PLCB1: variants seen among roughly 807,000 people sequenced by gnomAD.
PLCB1 encodes the protein phospholipase C beta 1.
In PLCB1, 46 loss-of-function variants were observed where a neutral mutation model predicts 161.8. The observed-to-expected ratio is 0.28, with a 90% CI of 0.22 to 0.36. PLCB1 has a LOEUF of 0.36. PLCB1 is among the 10% of genes least tolerant of loss of function. The probability of loss-of-function intolerance (pLI) is 1.00; values close to 1 mark genes in which losing one functional copy is unlikely to be tolerated. For synonymous variants in PLCB1, 517 were observed against 503.7 expected, an observed-to-expected ratio of 1.03 and a Z score of -0.35; for missense variants, 1,016 against 1,472.5, an observed-to-expected ratio of 0.69 and a Z score of 5.07.
intron 1 of PLCB1, among the ~76,000 whole-genome samples, chr20:8,138,810 CTCTT>C (rs1402865874): frequency 6.6e-6 from 1 of 152,074 alleles, no homozygotes; most frequent in African/African-American, 2.4e-5. Context: ...TTCCTCTGAT[CTCTT>C]TAAGAGCTAA....
At chr20:8,159,762 TG>T (rs1483037778) in intron 2 of PLCB1, among the ~76,000 whole-genome samples, 1 of 151,516 alleles carries the variant, frequency 6.6e-6, no homozygotes, top group African/African-American at 2.4e-5. Context: ...CTGAGTTGGG[TG>T]GATCACCTGA....
chr20:8,279,858 A>C (rs1982790589), intron 2 of PLCB1, among the ~76,000 whole-genome samples: 1 of 152,190 alleles, frequency 6.6e-6, no homozygotes, highest in Non-Finnish European at 1.5e-5. Flanking sequence ...TGAAGTAAAA[A>C]GAAAAGTAAG....
At chr20:8,380,563 T>G (rs931588822) in intron 3 of PLCB1, among the ~76,000 whole-genome samples, 2 of 152,242 alleles carry the variant, frequency 1.3e-5, no homozygotes, top group African/African-American at 4.8e-5. Context: ...ATGATATTGA[T>G]TCTTCCTATC....
rs1021896375 is a variant in PLCB1, at chr20:8,765,232, A to G, written c.2804A>G (p.Lys935Arg). The change falls in exon 26 of 32, where the codon AAG (lysine) becomes AGG (arginine). Residue 935 changes from lysine to arginine, a missense_variant. Around this residue, in one of 10 missense-constraint regions of PLCB1, gnomAD observed 398 missense variants for 445.4 expected, o/e 0.89. Coordinates refer to ENST00000338037, the MANE Select transcript of PLCB1 (RefSeq NM_015192.4). ...KHYKEMKDLV[K>R]RHHKKTTDLI... ...TACAAAGAAATGAAAGACCTGGTTA[A>G]GAGACACCACAAGAAAACCACTGAC... The G allele has an allele frequency of 6.2e-7, 1 of 1,614,018 alleles. No homozygotes were observed. The highest frequency in any genetic ancestry group is 8.5e-7 in the Non-Finnish European group (1 of 1,179,860).
intron 31 of PLCB1, among the ~76,000 whole-genome samples, chr20:8,805,302 C>T (rs1190462279): frequency 6.6e-6 from 1 of 151,956 alleles, no homozygotes; most frequent in Admixed American, 6.6e-5. Context: ...ATAAAATAAA[C>T]AAAAAAGATG....
At chr20:8,439,901 A>G (rs1232527002) in intron 3 of PLCB1, among the ~76,000 whole-genome samples, 4 of 152,090 alleles carry the variant, frequency 2.6e-5, no homozygotes, top group Non-Finnish European at 5.9e-5. Flanking sequence ...TTTTGAAGCT[A>G]TTCTGACCTC....
At chr20:8,742,678 G>A (rs1980946410) in intron 23 of PLCB1, among the ~76,000 whole-genome samples, 2 of 152,084 alleles carry the variant, frequency 1.3e-5, no homozygotes, top group African/African-American at 4.8e-5. Context: ...AAAGTATTAA[G>A]TATCTCATTG....
intron 2 of PLCB1, among the ~76,000 whole-genome samples, chr20:8,240,115 G>A (rs1980522946): frequency 6.6e-6 from 1 of 151,338 alleles, no homozygotes; most frequent in Non-Finnish European, 1.5e-5. Flanking sequence ...TTTTTAAAAC[G>A]AATTGTAATT....
intron 2 of PLCB1, among the ~76,000 whole-genome samples, chr20:8,165,993 C>T (rs1216866353): frequency 6.6e-6 from 1 of 152,154 alleles, no homozygotes; most frequent in Non-Finnish European, 1.5e-5. Flanking sequence ...TCAATGATTT[C>T]ATACTAAAAT....
At chr20:8,184,224 A>G (rs1275903324) in intron 2 of PLCB1, among the ~76,000 whole-genome samples, 1 of 152,198 alleles carries the variant, frequency 6.6e-6, no homozygotes, top group African/African-American at 2.4e-5. Flanking sequence ...TAGGATGCAT[A>G]CTAATTTAAT....
At chr20:8,731,300 C>A (rs1273521958) in intron 18 of PLCB1, among the ~76,000 whole-genome samples, 4 of 151,790 alleles carry the variant, frequency 2.6e-5, no homozygotes, top group Non-Finnish European at 5.9e-5. Context: ...TATCCATCAC[C>A]TGAAATATTT....
chr20:8,787,586 A>G (rs988312258), intron 27 of PLCB1, among the ~76,000 whole-genome samples: 2 of 152,228 alleles, frequency 1.3e-5, no homozygotes, highest in African/African-American at 2.4e-5. Flanking sequence ...TCCAGTTGCT[A>G]CAGCCACCTG....
At chr20:8,318,268 C>T (rs1232183749) in intron 2 of PLCB1, among the ~76,000 whole-genome samples, 1 of 152,014 alleles carries the variant, frequency 6.6e-6, no homozygotes. Context: ...TCCTTTTTGA[C>T]CTTACAGTCT....
intron 2 of PLCB1, among the ~76,000 whole-genome samples, chr20:8,241,773 T>G (rs955877083): frequency 6.6e-6 from 1 of 151,952 alleles, no homozygotes; most frequent in African/African-American, 2.4e-5. Context: ...TCCTCCCACC[T>G]CAGTAGAAAT....
intron 3 of PLCB1, among the ~76,000 whole-genome samples, chr20:8,400,626 A>G (rs1978507335): frequency 6.6e-6 from 1 of 152,214 alleles, no homozygotes; most frequent in African/African-American, 2.4e-5. Context: ...AAACCTGTAA[A>G]TGATGACATG....
At chr20:8,370,754 T>C (rs1986878220) in intron 2 of PLCB1, among the ~76,000 whole-genome samples, 1 of 152,218 alleles carries the variant, frequency 6.6e-6, no homozygotes, top group Admixed American at 6.5e-5. Context: ...CCCCTTGTCT[T>C]ACACATATAC....
chr20:8,726,741 A>G (rs1230684544), intron 16 of PLCB1, among the ~76,000 whole-genome samples: 1 of 152,140 alleles, frequency 6.6e-6, no homozygotes, highest in Non-Finnish European at 1.5e-5. Flanking sequence ...CCCAAGCCAT[A>G]TCATGTATCT....
intron 2 of PLCB1, among the ~76,000 whole-genome samples, chr20:8,330,762 C>T (rs1356914296): frequency 6.6e-6 from 1 of 152,084 alleles, no homozygotes; most frequent in Non-Finnish European, 1.5e-5. Context: ...CATTTTCATG[C>T]CATTTGTTGC....
intron 19 of PLCB1, among the ~76,000 whole-genome samples, chr20:8,733,872 A>C (rs1037438388): frequency 6.7e-6 from 1 of 149,586 alleles, no homozygotes; most frequent in African/African-American, 2.4e-5. Context: ...CTGTAATCCC[A>C]GCACTTTGGG....
Sources: allele counts gnomAD v4.1 joint callset (sites outside exome capture counted in the v4.1 genomes callset), GRCh38; gene constraint gnomAD v4.1.1; regional missense constraint gnomAD v4.1.1; transcripts MANE v1.5; gene names NCBI Gene and HGNC (gene_info 2026-07-23, HGNC 2026-07-21).